Variants in FDXR observed in about 807,000 individuals in gnomAD.
FDXR encodes the protein NADPH:adrenodoxin oxidoreductase, mitochondrial.
In FDXR, 38 loss-of-function variants were observed where a neutral mutation model predicts 58.3. The ratio of observed to expected loss-of-function variants is 0.65; its 90% CI spans 0.50 to 0.85. The LOEUF is 0.85. Ranked by LOEUF, FDXR falls within the 40% of genes least tolerant of loss-of-function variation. The probability of loss-of-function intolerance (pLI) is 0.00; values close to 1 mark genes in which losing one functional copy is unlikely to be tolerated. For missense variants in FDXR, 624 were observed against 671.0 expected (o/e 0.93, Z 0.77); for synonymous variants, 275 against 273.8 (o/e 1.00, Z -0.04).
intron 2 of FDXR, among the ~76,000 whole-genome samples, chr17:74,867,477 G>A (rs1447830426): frequency 6.6e-6 from 1 of 151,888 alleles, no homozygotes; most frequent in Non-Finnish European, 1.5e-5. Flanking sequence ...CCAACCCTTC[G>A]ACACTTGGGA....
chr17:74,871,509 C>A (rs889847736), intron 2 of FDXR, among the ~76,000 whole-genome samples: 1 of 152,138 alleles, frequency 6.6e-6, no homozygotes, highest in Non-Finnish European at 1.5e-5. Context: ...CCCTTCCTGC[C>A]GAGGCAGACA....
chr17:74,870,964 G>A (rs540741269), intron 2 of FDXR, among the ~76,000 whole-genome samples: 1 of 152,018 alleles, frequency 6.6e-6, no homozygotes, highest in African/African-American at 2.4e-5. Context: ...CACCACACGT[G>A]GCTGATTTTT....
chr17:74,865,683 C>T (rs1291781435), intron 6 of FDXR, 36 bp downstream of exon 6: 1 of 1,471,244 alleles, frequency 6.8e-7, no homozygotes, highest in Non-Finnish European at 9.3e-7. Context: ...AGGGTGACCC[C>T]ACCTCCAACC....
chr17:74,865,653 G>A, intron 6 of FDXR, 66 bp downstream of exon 6: 1 of 1,134,442 alleles, frequency 8.8e-7, no homozygotes. Context: ...GAACCCTGCA[G>A]ACAAGGGCAC....
chr17:74,864,639 C>T (rs1292353592), intron 7 of FDXR, 75 bp from the exon 8 acceptor site: 2 of 1,478,784 alleles, frequency 1.4e-6, no homozygotes, highest in Admixed American at 1.8e-5. Flanking sequence ...CCCCAGGGTC[C>T]AGCCCAGGCA....
At chr17:74,871,652 G>A (rs575626589) in intron 2 of FDXR, among the ~76,000 whole-genome samples, 5 of 152,326 alleles carry the variant, frequency 3.3e-5, no homozygotes, top group East Asian at 1.9e-4. Flanking sequence ...GTTACAGAAA[G>A]CGGAGGAGGT....
At chr17:74,872,373 T>C in intron 1 of FDXR, 3 of 1,067,718 alleles carry the variant, frequency 2.8e-6, no homozygotes, top group East Asian at 2.6e-5. Flanking sequence ...CCACTGCCAA[T>C]GGCCTGCCCA....
At chr17:74,863,340 C>G in intron 10 of FDXR, 94 bp from the exon 11 acceptor site, 2 of 1,225,012 alleles carry the variant, frequency 1.6e-6, no homozygotes, top group East Asian at 5.1e-5. Context: ...TGCACGCACA[C>G]AGACACCCCA....
chr17:74,863,904 T>C lies in FDXR; in HGVS notation c.1166A>G (p.Asp389Gly). 1.2e-6 allele frequency: 2 copies of C among 1,612,770 alleles called. No individual in the cohort carries two copies. The highest frequency in any genetic ancestry group is 1.7e-6 in the Non-Finnish European group (2 of 1,179,118). The change falls in exon 10 of 12, where the codon GAT (aspartate) becomes GGT (glycine). Residue 389 changes from aspartate (D) to glycine (G), a missense_variant. Asp to Gly is a moderately conservative substitution (Grantham distance 94). Coordinates refer to ENST00000293195, the MANE Select transcript of FDXR (RefSeq NM_024417.5). ...TCCTCACACCCTCTCACCTGGCACA[T>C]CCATAACCCGGCCCTCCACATTGGG... ...VIPNVEGRVMDVPGLYCSGWV... is the reference protein window; with the variant it reads ...VIPNVEGRVMGVPGLYCSGWV...
chr17:74,872,360 A>T, intron 1 of FDXR: 1 of 1,229,000 alleles, frequency 8.1e-7, no homozygotes, highest in Non-Finnish European at 1.1e-6. Flanking sequence ...TGAACCTACT[A>T]CACCACTGCC....
rs775011125 is a variant in FDXR at position 74,864,326 on chromosome 17, C to G, written c.824G>C (p.Arg275Pro). Residue 275 changes from arginine (R) to proline (P), a missense_variant, in exon 9 of 12, where the codon CGG becomes CCG. Physicochemically the swap from Arg to Pro is moderately radical, Grantham distance 103. Transcript: ENST00000293195. ...CGTTCGAAGCAGCAGTTCCGTCAGC[C>G]GCTTCCTCGGGCGGGGGACCTCTGT... ...KIKEVPRPRK[R>P]LTELLLRTAT... 2 of 1,577,618 alleles carry G rather than the reference C, an allele frequency of 1.3e-6. No homozygotes were observed. Among genetic ancestry groups the G allele is most frequent in the Non-Finnish European group, 8.6e-7 (1 of 1,159,474 alleles).
Position 74,863,163 on chromosome 17 carries a change from T to C in FDXR, c.1258A>G (p.Met420Val), listed in dbSNP as rs2144642164. 1 of 1,613,872 alleles carries C rather than the reference T, an allele frequency of 6.2e-7. No homozygotes were observed. Among genetic ancestry groups the C allele is most frequent in the Non-Finnish European group, 8.5e-7 (1 of 1,179,980 alleles). ...CCAGCCTTCAGGTCCTGCAGCAGCA[T>C]CTGGCCGGTGAGGAAGCTGTCAGTC... ...TMTDSFLTGQ[M>V]LLQDLKAGLL... is the part of the protein sequence containing the mutation. The change falls in exon 11 of 12, where the codon ATG becomes GTG. Residue 420 changes from methionine to valine, a missense_variant. Physicochemically the swap from Met to Val is conservative, Grantham distance 21. Coordinates refer to ENST00000293195, the MANE Select transcript of FDXR (RefSeq NM_024417.5).
At chr17:74,867,382 C>T (rs369547301) in intron 2 of FDXR, among the ~76,000 whole-genome samples, 1 of 148,892 alleles carries the variant, frequency 6.7e-6, no homozygotes, top group Non-Finnish European at 1.5e-5. Flanking sequence ...GGCCAGCTGA[C>T]AAGGCCGTGG....
intron 2 of FDXR, chr17:74,868,627 A>G (rs2038272956): frequency 2.0e-6 from 3 of 1,535,534 alleles, no homozygotes; most frequent in African/African-American, 2.7e-5. Flanking sequence ...CACCTCCGGA[A>G]CGCTAAGTCT....
chr17:74,872,099 G>A lies in FDXR; in HGVS notation c.114C>T (p.Thr38=). ...CACTGCCCACCACACAGATCTGGGG[G>A]GTCTTCTCCTGTGTGGAGAAATGGT... ...FCHHFSTQEK[T]PQICVVGSGP... is the part of the protein sequence containing the mutation. Residue 38 remains threonine (T), a synonymous_variant, in exon 2 of 12, where the codon ACC becomes ACT. Coordinates refer to ENST00000293195, the MANE Select transcript of FDXR (RefSeq NM_024417.5). The A allele has an allele frequency of 1.2e-6, 2 of 1,607,244 alleles. No individual in the cohort carries two copies. The highest frequency in any genetic ancestry group is 1.7e-6 in the Non-Finnish European group (2 of 1,176,434).
Position 74,867,347 on chromosome 17 carries a change from G to A in FDXR, c.178-471C>T, listed in dbSNP as rs933576482. 4.0e-5 allele frequency among the ~76,000 whole-genome samples: 6 copies of A among 148,328 alleles called. No homozygotes were observed. In the South Asian group the frequency reaches 1.3e-3, roughly 32 times the overall value. ...AAAAAAAAAAAAGACGACGACGGCCGGCCCTCAGAGATGGGGAGAAATGTG... is the reference window on the plus strand; with the variant it reads ...AAAAAAAAAAAAGACGACGACGGCCAGCCCTCAGAGATGGGGAGAAATGTG... On this transcript the variant is annotated intron_variant, in intron 2 of 11. Transcript: ENST00000293195.
At chr17:74,869,683 C>T (rs1274243462) in intron 2 of FDXR, among the ~76,000 whole-genome samples, 4 of 152,132 alleles carry the variant, frequency 2.6e-5, no homozygotes, top group South Asian at 2.1e-4. Flanking sequence ...TGCTTATAGC[C>T]GTCAGAGCCC....
rs1355489589 is a variant in FDXR, at chr17:74,863,161, C to A, written c.1260G>T (p.Met420Ile). 6.2e-7 allele frequency: 1 copy of A among 1,613,754 alleles called. No homozygotes were observed. The highest frequency in any genetic ancestry group is 8.5e-7 in the Non-Finnish European group (1 of 1,179,990). The change falls in exon 11 of 12, where the codon ATG becomes ATT. Residue 420 changes from methionine to isoleucine, a missense_variant. Transcript: ENST00000293195. ...TMTDSFLTGQ[M>I]LLQDLKAGLL... Reference sequence around the variant, plus strand: ...ACCCAGCCTTCAGGTCCTGCAGCAGCATCTGGCCGGTGAGGAAGCTGTCAG... The same window carrying A: ...ACCCAGCCTTCAGGTCCTGCAGCAGAATCTGGCCGGTGAGGAAGCTGTCAG...
At chr17:74,872,598 A>T in intron 1 of FDXR, 1 of 713,918 alleles carries the variant, frequency 1.4e-6, no homozygotes, top group Non-Finnish European at 2.3e-6. Context: ...AGACCTCCGT[A>T]TCATCCTCCA....
Sources: gnomAD v4.1 joint callset for allele counts (sites outside exome capture counted in the v4.1 genomes callset) on GRCh38, gnomAD v4.1.1 for gene constraint, MANE v1.5 for transcripts, NCBI Gene and HGNC (gene_info 2026-07-23, HGNC 2026-07-21) for gene names.